Variants in STXBP5L observed in about 807,000 individuals in gnomAD.
STXBP5L encodes syntaxin binding protein 5L.
Under a neutral mutation model 144.5 loss-of-function variants are expected in STXBP5L, and 65 were observed. The observed-to-expected ratio is 0.45, with a 90% confidence interval of 0.37 to 0.55. The LOEUF is 0.55. Among genes scored for constraint, STXBP5L ranks in the 20% least tolerant of loss-of-function variants. STXBP5L has a pLI of 0.00. For missense variants in STXBP5L, 1,298 were observed against 1,405.5 expected (o/e 0.92, Z 1.22); for synonymous variants, 505 against 469.6 (o/e 1.08, Z -0.97).
At chr3:121,395,775 G>A (rs960688542) in intron 22 of STXBP5L, among the ~76,000 whole-genome samples, 50 of 152,170 alleles carry the variant, frequency 3.3e-4, no homozygotes, top group African/African-American at 1.1e-3. Context: ...TGGTTGTCCC[G>A]CTTTCCTCAG....
At chr3:121,150,043 CTTAT>C (rs1009988150) in intron 7 of STXBP5L, among the ~76,000 whole-genome samples, 1 of 151,940 alleles carries the variant, frequency 6.6e-6, no homozygotes, top group African/African-American at 2.4e-5. Context: ...TTCTTCTTTG[CTTAT>C]TAATTACCTA....
intron 5 of STXBP5L, among the ~76,000 whole-genome samples, chr3:121,098,596 GAC>G (rs914604396): frequency 1.3e-5 from 2 of 152,176 alleles, no homozygotes; most frequent in African/African-American, 4.8e-5. Context: ...ATTTGGAGGG[GAC>G]ACACACTCAA....
Position 121,041,758 on chromosome 3 carries a change from C to T in STXBP5L, c.346C>T (p.Gln116Ter). Reference sequence around the variant, plus strand: ...ACATGAAAGTGGTGCAGCTGTCCTACAGCTCCAATTTTTGATCAATGAGGT... The same window carrying T: ...ACATGAAAGTGGTGCAGCTGTCCTATAGCTCCAATTTTTGATCAATGAGGT... ...CQHESGAAVL[Q>*]LQFLINEGAL... is the part of the protein sequence containing the mutation. Residue 116 changes from glutamine (Q) to a stop codon, truncating the protein, a stop_gained, in exon 4 of 27, where the codon CAG becomes TAG. Coordinates refer to ENST00000471454, the MANE Select transcript of STXBP5L (RefSeq NM_001308330.2). LOFTEE classifies it high-confidence loss of function. 1 of 1,612,614 alleles carries T rather than the reference C, an allele frequency of 6.2e-7. No homozygotes were observed. The highest frequency in any genetic ancestry group is 8.5e-7 in the Non-Finnish European group (1 of 1,179,048).
At chr3:120,954,872 T>A in intron 2 of STXBP5L, 68 bp from the exon 3 acceptor site, 1 of 1,302,868 alleles carries the variant, frequency 7.7e-7, no homozygotes, top group Non-Finnish European at 1.1e-6. Context: ...GGTGGCTATA[T>A]AATGGTATCT....
At chr3:121,233,568 A>G in intron 11 of STXBP5L, 48 bp from the exon 12 acceptor site, 4 of 1,434,652 alleles carry the variant, frequency 2.8e-6, no homozygotes, top group Non-Finnish European at 3.8e-6. Context: ...TGCTGATTTT[A>G]TAGTATATAC....
chr3:121,052,532 A>G (rs571846123), intron 5 of STXBP5L, among the ~76,000 whole-genome samples: 1 of 152,354 alleles, frequency 6.6e-6, no homozygotes, highest in Admixed American at 6.5e-5. Context: ...AAGGCCTTTG[A>G]CAAAATTCAA....
intron 19 of STXBP5L, among the ~76,000 whole-genome samples, chr3:121,309,360 T>TA (rs982083740): frequency 2.6e-5 from 4 of 152,078 alleles, no homozygotes; most frequent in Non-Finnish European, 4.4e-5. Context: ...TAATACCATT[T>TA]AAAAAAATAG....
chr3:121,349,076 C>CTT lies in STXBP5L; in HGVS notation c.2177-29638_2177-29637dup, dbSNP rs543169700. Among the ~76,000 whole-genome samples, 648 of 152,176 alleles carry CTT rather than the reference C, an allele frequency of 4.3e-3. 8 individuals are homozygous for CTT. The highest frequency in any genetic ancestry group is 0.015 in the African/African-American group (618 of 41,498). On this transcript the variant is annotated intron_variant, in intron 20 of 26. Transcript: ENST00000471454. The stretch of plus-strand genomic sequence containing the variant: ...GGGTGTCAGTTTTAGATATTTCCTG[C>CTT]TTTCTCTTGTGGGCATTTAGTGCTA...
At chr3:121,070,120 C>T (rs1181430003) in intron 5 of STXBP5L, among the ~76,000 whole-genome samples, 1 of 152,200 alleles carries the variant, frequency 6.6e-6, no homozygotes, top group Non-Finnish European at 1.5e-5. Flanking sequence ...AAGGTGATCA[C>T]CGGCTCAGCC....
intron 23 of STXBP5L, among the ~76,000 whole-genome samples, chr3:121,408,218 T>C (rs1435220398): frequency 6.6e-6 from 1 of 151,948 alleles, no homozygotes; most frequent in Non-Finnish European, 1.5e-5. Flanking sequence ...CATTCTACTG[T>C]TAGTGAAATG....
intron 24 of STXBP5L, among the ~76,000 whole-genome samples, chr3:121,414,059 A>G (rs13086811): frequency 0.59 from 90,133 of 151,978 alleles, 27,778 homozygotes; most frequent in East Asian, 0.89. Flanking sequence ...ATTCATATAA[A>G]AGACTGAGCT....
intron 3 of STXBP5L, among the ~76,000 whole-genome samples, chr3:121,021,446 C>A (rs1021879942): frequency 6.6e-6 from 1 of 152,106 alleles, no homozygotes; most frequent in Non-Finnish European, 1.5e-5. Context: ...ACATTCTACC[C>A]AACAACTGCA....
At chr3:121,246,000 C>A (rs911320058) in intron 14 of STXBP5L, among the ~76,000 whole-genome samples, 1 of 152,140 alleles carries the variant, frequency 6.6e-6, no homozygotes, top group Non-Finnish European at 1.5e-5. Context: ...CTTAAGCACA[C>A]ATGGACCTTG....
intron 3 of STXBP5L, among the ~76,000 whole-genome samples, chr3:120,982,704 A>C (rs1302650788): frequency 2.0e-5 from 3 of 152,114 alleles, no homozygotes; most frequent in Non-Finnish European, 4.4e-5. Context: ...GAGTGGCTCC[A>C]CTTTTTGGCA....
chr3:121,099,085 C>T (rs753753158), intron 5 of STXBP5L: 3 of 152,190 alleles, frequency 2.0e-5, no homozygotes, highest in South Asian at 2.1e-4. Flanking sequence ...AATTCAGGTA[C>T]ATTTCACCAT....
At chr3:121,014,351 C>T (rs114074263) in intron 3 of STXBP5L, among the ~76,000 whole-genome samples, 30 of 152,122 alleles carry the variant, frequency 2.0e-4, no homozygotes, top group African/African-American at 7.0e-4. Flanking sequence ...ACACTACTAA[C>T]CTTCTGTCAC....
At chr3:121,282,599 A>G (rs1403912269) in intron 19 of STXBP5L, among the ~76,000 whole-genome samples, 5 of 151,944 alleles carry the variant, frequency 3.3e-5, no homozygotes, top group Non-Finnish European at 7.4e-5. Flanking sequence ...CTACTATTCC[A>G]AGAGTCACTG....
At chr3:121,290,426 C>A (rs141621785) in intron 19 of STXBP5L, among the ~76,000 whole-genome samples, 15,008 of 151,622 alleles carry the variant, frequency 0.099, 1,161 homozygotes, top group Admixed American at 0.2. Flanking sequence ...TTGCCAACAA[C>A]AAAAAAAGTC....
chr3:121,180,219 G>T (rs944727329), intron 9 of STXBP5L, among the ~76,000 whole-genome samples: 1 of 152,168 alleles, frequency 6.6e-6, no homozygotes, highest in Non-Finnish European at 1.5e-5. Context: ...AGGAAAACCT[G>T]TCAGATTAGC....
Sources: allele counts gnomAD v4.1 joint callset (sites outside exome capture counted in the v4.1 genomes callset), GRCh38; gene constraint gnomAD v4.1.1; transcripts MANE v1.5; gene names NCBI Gene and HGNC (gene_info 2026-07-23, HGNC 2026-07-21).